RFTN1: variants seen among roughly 807,000 people sequenced by gnomAD.
RFTN1 encodes raftlin, lipid raft linker 1.
Under a neutral mutation model 46.5 loss-of-function variants are expected in RFTN1, and 26 were observed. The observed-to-expected ratio is 0.56, with a 90% CI of 0.41 to 0.78. RFTN1 has a LOEUF of 0.78. Among genes scored for constraint, RFTN1 ranks in the 30% least tolerant of loss-of-function variants. The probability of loss-of-function intolerance (pLI) is 0.00; values close to 1 mark genes in which losing one functional copy is unlikely to be tolerated. For synonymous variants in RFTN1, 261 were observed against 284.2 expected (o/e 0.92, Z 0.82); for missense variants, 693 against 718.7 (o/e 0.96, Z 0.41).
rs760426024 is a variant in RFTN1 at position 16,377,858 on chromosome 3, C to A, written c.686G>T (p.Gly229Val). Residue 229 changes from glycine (G) to valine (V), a missense_variant, in exon 5 of 10, where the codon GGG becomes GTG. Gly to Val is a moderately radical substitution (Grantham distance 109, BLOSUM62 -3). Transcript: ENST00000334133. Reference protein sequence around the residue: ...QSPEPSSGPRGEVPLAKQPSS... With the variant: ...QSPEPSSGPRVEVPLAKQPSS... ...GGGCTGCTTGGCGAGGGGCACCTCC[C>A]CTCTGGGGCCTGAGCTGGGCTCTGG... is the stretch of plus-strand genomic sequence containing the variant. The A allele has an allele frequency of 6.2e-7, 1 of 1,614,234 alleles. No homozygotes were observed. Among genetic ancestry groups the A allele is most frequent in the East Asian group, 2.2e-5 (1 of 44,884 alleles).
chr3:16,460,837 A>C lies in RFTN1; in HGVS notation c.146-26800T>G, dbSNP rs559879603. Reference sequence around the variant, plus strand: ...GGCCACCACAGCTGTGAAGTGGCCCACTCTCTCCCACCTACCCACCCCAGA... The same window carrying C: ...GGCCACCACAGCTGTGAAGTGGCCCCCTCTCTCCCACCTACCCACCCCAGA... On this transcript the variant is annotated intron_variant, in intron 2 of 9. Coordinates refer to ENST00000334133, the MANE Select transcript of RFTN1 (RefSeq NM_015150.2). This position sits in a 1 kb window ranked among gnomAD's most constrained non-coding sequence, Gnocchi z 4.8. Among the ~76,000 whole-genome samples the C allele has an allele frequency of 1.4e-3, 219 of 152,118 alleles. No individual in the cohort carries two copies. Among genetic ancestry groups the C allele is most frequent in the African/African-American group, 5.1e-3 (213 of 41,500 alleles).
rs528358010 is a variant in RFTN1 at position 16,471,879 on chromosome 3, G to A, written c.145+21846C>T. 2 of 152,252 alleles carry A rather than the reference G, an allele frequency of 1.3e-5. 1 individual carries two copies. Among genetic ancestry groups the A allele is most frequent in the East Asian group, 3.9e-4 (2 of 5,190 alleles). The allele number at this position is 152,252 out of a possible 1,614,324, so 9.4% of individuals were successfully genotyped here. On this transcript the variant is annotated intron_variant, in intron 2 of 9. Coordinates refer to ENST00000334133, the MANE Select transcript of RFTN1 (RefSeq NM_015150.2). ...AAGGACACTCTCCTTTTTAAAAGGT[G>A]ACCCTGAAAATTTTACATGAGTGTT...
At position 16,337,389 on chromosome 3, in the gene RFTN1, A is replaced by G. The variant is rs556043343; in HGVS notation, c.1147-10513T>C. On this transcript the variant is annotated intron_variant, in intron 7 of 9. Transcript: ENST00000334133. This position sits in a 1 kb window ranked among gnomAD's most constrained non-coding sequence, Gnocchi z 5.0. Reference sequence around the variant, plus strand: ...TAACTGGTGTATTACTATTATTACTATTATTCTAAGAACCAAATACCAGGC... The same window carrying G: ...TAACTGGTGTATTACTATTATTACTGTTATTCTAAGAACCAAATACCAGGC... 3.3e-5 allele frequency: 5 copies of G among 152,326 alleles called. No homozygotes were observed. Among genetic ancestry groups the G allele is most frequent in the South Asian group, 2.1e-4 (1 of 4,832 alleles). The allele number at this position is 152,326 out of a possible 1,614,324, so 9.4% of individuals were successfully genotyped here.
rs1206378247 is a variant in RFTN1 at position 16,442,471 on chromosome 3, AT to A, written c.146-8435del. 6.6e-6 allele frequency among the ~76,000 whole-genome samples: 1 copy of A among 152,190 alleles called. No homozygotes were observed. The highest frequency in any genetic ancestry group is 2.4e-5 in the African/African-American group (1 of 41,432). On this transcript the variant is annotated intron_variant, in intron 2 of 9. Transcript: ENST00000334133. The surrounding 1 kb of genome is among the most constrained non-coding windows in gnomAD (Gnocchi z 4.1). ...ATTTTAATGGATTTTTGTTGTGTAT[AT>A]TCAAGGTGTACAACATGATGCCTCA...
rs568511284 is a variant in RFTN1 at position 16,449,531 on chromosome 3, C to T, written c.146-15494G>A. On this transcript the variant is annotated intron_variant, in intron 2 of 9. Transcript: ENST00000334133. This position sits in a 1 kb window ranked among gnomAD's most constrained non-coding sequence, Gnocchi z 5.1. ...CTGGAACTGGTAACTCCTCCATACACGGGAGCTGCTAAAATCATTGTTGTT... is the reference window on the plus strand; with the variant it reads ...CTGGAACTGGTAACTCCTCCATACATGGGAGCTGCTAAAATCATTGTTGTT... 6.6e-6 allele frequency among the ~76,000 whole-genome samples: 1 copy of T among 152,344 alleles called. No homozygotes were observed. Among genetic ancestry groups the T allele is most frequent in the Admixed American group, 6.5e-5 (1 of 15,306 alleles).
At position 16,327,922 on chromosome 3, in the gene RFTN1, C is replaced by A. The variant is rs1450552009; in HGVS notation, c.1147-1046G>T. ...CCTCACTAACACTCAAAGTGTAGCC[C>A]CCACCCCTGCTCTGTGTGTAACTGG... On this transcript the variant is annotated intron_variant, in intron 7 of 9. Transcript: ENST00000334133. This position sits in a 1 kb window ranked among gnomAD's most constrained non-coding sequence, Gnocchi z 4.2. 1.3e-5 allele frequency among the ~76,000 whole-genome samples: 2 copies of A among 152,206 alleles called. No homozygotes were observed. Among genetic ancestry groups the A allele is most frequent in the Non-Finnish European group, 2.9e-5 (2 of 68,040 alleles).
chr3:16,463,659 C>G (rs1439393145), intron 2 of RFTN1, among the ~76,000 whole-genome samples: 1 of 152,130 alleles, frequency 6.6e-6, no homozygotes, highest in Non-Finnish European at 1.5e-5. Context: ...TCTATTCACT[C>G]TGGATCATCT....
intron 2 of RFTN1, among the ~76,000 whole-genome samples, chr3:16,467,155 C>T (rs2076110466): frequency 6.6e-6 from 1 of 152,148 alleles, no homozygotes; most frequent in African/African-American, 2.4e-5. Flanking sequence ...AGCTAAAGGC[C>T]TGAGCCTGGG....
rs1019449356 is a variant in RFTN1, at chr3:16,450,936, G to A, written c.146-16899C>T. Reference sequence around the variant, plus strand: ...TGGTTTTGGTCCTGTTGACTACAGAGGGCCTCTGTGATATCCCAGAGGAAA... The same window carrying A: ...TGGTTTTGGTCCTGTTGACTACAGAAGGCCTCTGTGATATCCCAGAGGAAA... On this transcript the variant is annotated intron_variant, in intron 2 of 9. Coordinates refer to ENST00000334133, the MANE Select transcript of RFTN1 (RefSeq NM_015150.2). The surrounding 1 kb of genome is among the most constrained non-coding windows in gnomAD (Gnocchi z 4.6). Among the ~76,000 whole-genome samples the A allele has an allele frequency of 6.6e-6, 1 of 152,124 alleles. No individual in the cohort carries two copies. Among genetic ancestry groups the A allele is most frequent in the South Asian group, 2.1e-4 (1 of 4,820 alleles).
rs2075297349 is a variant in RFTN1 at position 16,426,748 on chromosome 3, A to C, written c.332+7103T>G. On this transcript the variant is annotated intron_variant, in intron 3 of 9. Coordinates refer to ENST00000334133, the MANE Select transcript of RFTN1 (RefSeq NM_015150.2). The surrounding 1 kb of genome is among the most constrained non-coding windows in gnomAD (Gnocchi z 5.9). ...CTATGTGGCTGCATTATTAAGATAT[A>C]CTTTTGGTACTGATAAATACGTAAA... Among the ~76,000 whole-genome samples, 1 of 151,642 alleles carries C rather than the reference A, an allele frequency of 6.6e-6. No homozygotes were observed. The highest frequency in any genetic ancestry group is 6.6e-5 in the Admixed American group (1 of 15,176).
intron 4 of RFTN1, among the ~76,000 whole-genome samples, chr3:16,404,326 A>G (rs1303182120): frequency 3.7e-5 from 2 of 54,002 alleles, no homozygotes; most frequent in Admixed American, 3.5e-4. Context: ...TATATAATAT[A>G]TAATATATAA....
rs571110494 is a variant in RFTN1, at chr3:16,448,869, G to T, written c.146-14832C>A. Among the ~76,000 whole-genome samples, 106 of 152,252 alleles carry T rather than the reference G, an allele frequency of 7.0e-4. 1 individual carries two copies. Among genetic ancestry groups the T allele is most frequent in the South Asian group, 6.4e-3 (31 of 4,820 alleles). Reference sequence around the variant, plus strand: ...ACTGCTGGAGGCAAGCAGCCAGCCGGCATCCCACAGAGATTATTCATAGCA... The same window carrying T: ...ACTGCTGGAGGCAAGCAGCCAGCCGTCATCCCACAGAGATTATTCATAGCA... On this transcript the variant is annotated intron_variant, in intron 2 of 9. Transcript: ENST00000334133. The surrounding 1 kb of genome is among the most constrained non-coding windows in gnomAD (Gnocchi z 4.1).
chr3:16,481,133 C>G lies in RFTN1; in HGVS notation c.145+12592G>C, dbSNP rs1251954271. Among the ~76,000 whole-genome samples the G allele has an allele frequency of 1.3e-5, 2 of 152,080 alleles. No homozygotes were observed. Among genetic ancestry groups the G allele is most frequent in the East Asian group, 3.9e-4 (2 of 5,194 alleles). On this transcript the variant is annotated intron_variant, in intron 2 of 9. Coordinates refer to ENST00000334133, the MANE Select transcript of RFTN1 (RefSeq NM_015150.2). The surrounding 1 kb of genome is among the most constrained non-coding windows in gnomAD (Gnocchi z 5.1). Reference sequence around the variant, plus strand: ...GAGTTTTTACATTCAGAAAGGAATGCAAAGGAATGTAAAGAATGCCTTCCT... The same window carrying G: ...GAGTTTTTACATTCAGAAAGGAATGGAAAGGAATGTAAAGAATGCCTTCCT...
In RFTN1 at chr3:16,417,511, A is replaced by T. The variant is rs73816432; in HGVS notation, c.333-8028T>A. Among the ~76,000 whole-genome samples, 959 of 152,324 alleles carry T rather than the reference A, an allele frequency of 6.3e-3. 15 individuals are homozygous for T. Among genetic ancestry groups the T allele is most frequent in the African/African-American group, 0.022 (898 of 41,570 alleles). On this transcript the variant is annotated intron_variant, in intron 3 of 9. Coordinates refer to ENST00000334133, the MANE Select transcript of RFTN1 (RefSeq NM_015150.2). ...ACAGATGTCAGGGTCGTTTCAGAACATGATAAAAGACCCCTATTCTGTGTC... is the reference window on the plus strand; with the variant it reads ...ACAGATGTCAGGGTCGTTTCAGAACTTGATAAAAGACCCCTATTCTGTGTC...
intron 4 of RFTN1, among the ~76,000 whole-genome samples, chr3:16,396,442 C>T (rs1428019342): frequency 5.3e-5 from 8 of 152,166 alleles, no homozygotes; most frequent in Admixed American, 3.9e-4. Context: ...ATCTACAATT[C>T]CACACTGTCA....
In RFTN1 at chr3:16,327,683, C is replaced by G. The variant is rs2069853076; in HGVS notation, c.1147-807G>C. Among the ~76,000 whole-genome samples the G allele has an allele frequency of 6.6e-6, 1 of 152,050 alleles. No homozygotes were observed. On this transcript the variant is annotated intron_variant, in intron 7 of 9. Coordinates refer to ENST00000334133, the MANE Select transcript of RFTN1 (RefSeq NM_015150.2). This position sits in a 1 kb window ranked among gnomAD's most constrained non-coding sequence, Gnocchi z 4.2. The stretch of plus-strand genomic sequence containing the variant: ...GGCTGAGGCAGGAGAATGGCGTGAA[C>G]CCGGGAGGTGGAGCTTGCAGTGAGC...
chr3:16,343,440 T>A (rs1307351474), intron 7 of RFTN1, among the ~76,000 whole-genome samples: 1 of 152,226 alleles, frequency 6.6e-6, no homozygotes. Flanking sequence ...TGATTACCCT[T>A]GTTTTTTCCT....
chr3:16,329,546 C>T lies in RFTN1; in HGVS notation c.1147-2670G>A, dbSNP rs1192747091. Among the ~76,000 whole-genome samples the T allele has an allele frequency of 3.3e-5, 5 of 152,122 alleles. 1 individual carries two copies. Among genetic ancestry groups the T allele is most frequent in the Non-Finnish European group, 4.4e-5 (3 of 68,038 alleles). On this transcript the variant is annotated intron_variant, in intron 7 of 9. Coordinates refer to ENST00000334133, the MANE Select transcript of RFTN1 (RefSeq NM_015150.2). The surrounding 1 kb of genome is among the most constrained non-coding windows in gnomAD (Gnocchi z 4.5). ...CCTTTCTGCCTGGCCTCTGGGCACA[C>T]GCACACCTCCCTTCCAGACCAGCAC...
At position 16,400,951 on chromosome 3, in the gene RFTN1, C is replaced by T. The variant is rs80304662; in HGVS notation, c.441+8424G>A. Among the ~76,000 whole-genome samples the T allele has an allele frequency of 6.4e-4, 97 of 152,042 alleles. 2 individuals are homozygous for T. The East Asian group carries it at 0.018, about 28-fold the overall frequency. ...CCATTACCTTGTGCCCCTCCCACCTCGCCCTGCCTGGAACCTGCCTCCATC... is the reference window on the plus strand; with the variant it reads ...CCATTACCTTGTGCCCCTCCCACCTTGCCCTGCCTGGAACCTGCCTCCATC... On this transcript the variant is annotated intron_variant, in intron 4 of 9. Coordinates refer to ENST00000334133, the MANE Select transcript of RFTN1 (RefSeq NM_015150.2). This position sits in a 1 kb window ranked among gnomAD's most constrained non-coding sequence, Gnocchi z 4.5.
Sources: gnomAD v4.1 joint callset for allele counts (sites outside exome capture counted in the v4.1 genomes callset) on GRCh38, gnomAD v4.1.1 for gene constraint, Gnocchi (gnomAD v3.1) non-coding constraint, MANE v1.5 for transcripts, NCBI Gene and HGNC (gene_info 2026-07-23, HGNC 2026-07-21) for gene names.